CASTOR2: variants seen among roughly 807,000 people sequenced by gnomAD.
The protein encoded by CASTOR2 is GATS protein like 2.
Under a neutral mutation model 31.2 loss-of-function variants are expected in CASTOR2, and 8 were observed. That is an observed-to-expected ratio of 0.26 (90% CI 0.15 to 0.46). The LOEUF (loss-of-function observed/expected upper bound fraction) is 0.46. Ranked by LOEUF, CASTOR2 falls within the 20% of genes least tolerant of loss-of-function variation. The pLI, the probability that CASTOR2 is intolerant of heterozygous loss-of-function variation, is 0.99. For synonymous variants in CASTOR2, 162 were observed against 158.7 expected (o/e 1.02, Z -0.16); for missense variants, 216 against 382.1 (o/e 0.57, Z 3.62).
At chr7:75,023,940 C>G (rs1383889572) in intron 7 of CASTOR2, among the ~76,000 whole-genome samples, 1 of 152,134 alleles carries the variant, frequency 6.6e-6, no homozygotes, top group South Asian at 2.1e-4. Flanking sequence ...CACTGGCCAG[C>G]GACCAGAGAA....
At chr7:74,995,463 C>T (rs1234444963) in intron 1 of CASTOR2, among the ~76,000 whole-genome samples, 5 of 131,868 alleles carry the variant, frequency 3.8e-5, no homozygotes, top group Admixed American at 9.3e-5. Context: ...GCCAGGAGTT[C>T]GAGACCAGCC....
chr7:75,014,384 C>T (rs1804818062), intron 2 of CASTOR2, among the ~76,000 whole-genome samples: 1 of 143,980 alleles, frequency 6.9e-6, no homozygotes, highest in Non-Finnish European at 1.5e-5. Flanking sequence ...GACCAGCCTG[C>T]CCAACATGGT....
intron 1 of CASTOR2, among the ~76,000 whole-genome samples, chr7:75,000,971 C>A (rs1446956570): frequency 6.6e-6 from 1 of 152,180 alleles, no homozygotes; most frequent in East Asian, 1.9e-4. Flanking sequence ...CAGGCCAGGC[C>A]GTTAATTCCA....
chr7:74,996,833 A>G (rs1804363816), intron 1 of CASTOR2, among the ~76,000 whole-genome samples: 2 of 142,216 alleles, frequency 1.4e-5, no homozygotes, highest in African/African-American at 2.6e-5. Context: ...GGTTCAAGCA[A>G]TTCTTCCGCC....
At chr7:75,020,007 C>A (rs1341826017) in intron 5 of CASTOR2, 32 bp from the exon 6 acceptor site, 1 of 1,548,596 alleles carries the variant, frequency 6.5e-7, no homozygotes, top group African/African-American at 1.4e-5. Context: ...GCCACAGGGG[C>A]CCCATCTTTA....
Position 75,024,527 on chromosome 7 carries a change from A to T in CASTOR2, c.917A>T (p.His306Leu). Residue 306 changes from histidine (H) to leucine (L), a missense_variant, in exon 8 of 9, where the codon CAT (histidine) becomes CTT (leucine). Transcript: ENST00000616305. ...TACATCAGTACTTTCAAGTTTGATC[A>T]TGCACTTGTGAGTGTCCAGCGCCAG... ...AYYISTFKFD[H>L]ALVPEENING... 2 of 1,551,530 alleles carry T rather than the reference A, an allele frequency of 1.3e-6. No individual in the cohort carries two copies. The highest frequency in any genetic ancestry group is 1.7e-6 in the Non-Finnish European group (2 of 1,146,844).
Position 75,026,189 on chromosome 7 carries a change from G to GTTTTTTTTTTTTTTTTTTTTTT in CASTOR2, c.*1507_*1508insTTTTTTTTTTTTTTTTTTTTTT, listed in dbSNP as rs879121750. 8.3e-4 allele frequency among the ~76,000 whole-genome samples: 98 copies of GTTTTTTTTTTTTTTTTTTTTTT among 117,684 alleles called. 3 individuals are homozygous for GTTTTTTTTTTTTTTTTTTTTTT. The highest frequency in any genetic ancestry group is 2.8e-3 in the African/African-American group (87 of 30,780). 77.2% of individuals were successfully genotyped at this position (117,684 alleles called of 152,430 possible). On this transcript the variant is annotated 3_prime_UTR_variant, in exon 9 of 9. Coordinates refer to ENST00000616305, the MANE Select transcript of CASTOR2 (RefSeq NM_001145064.3). ...CCCTGTGGTTTTGGCTCTGGCGGGG[G>GTTTTTTTTTTTTTTTTTTTTTT]TTTTTTTTTTTTTTTTTGAGATGGG...
Position 75,025,366 on chromosome 7 carries a change from C to T in CASTOR2, c.*667C>T, listed in dbSNP as rs76603216. 6.6e-6 allele frequency among the ~76,000 whole-genome samples: 1 copy of T among 152,288 alleles called. No individual in the cohort carries two copies. The highest frequency in any genetic ancestry group is 2.4e-5 in the African/African-American group (1 of 41,582). On this transcript the variant is annotated 3_prime_UTR_variant, in exon 9 of 9. Coordinates refer to ENST00000616305, the MANE Select transcript of CASTOR2 (RefSeq NM_001145064.3). ...TCCCAGCAAGACTGCCAAGAGGGCC[C>T]TGTCCAGACCCTCCCCCACAAGCAC...
At chr7:74,992,259 A>G (rs1804229838) in intron 1 of CASTOR2, among the ~76,000 whole-genome samples, 1 of 152,052 alleles carries the variant, frequency 6.6e-6, no homozygotes, top group Non-Finnish European at 1.5e-5. Context: ...GTTTTTGTCT[A>G]AAGATGATCT....
chr7:75,007,928 G>A (rs1804641766), intron 1 of CASTOR2, 66 bp from the exon 2 acceptor site: 4 of 1,609,356 alleles, frequency 2.5e-6, no homozygotes, highest in Admixed American at 1.7e-5. Context: ...CAGGGCACGG[G>A]TGGGCAGCTG....
chr7:74,973,301 A>T (rs1341739143), intron 1 of CASTOR2, among the ~76,000 whole-genome samples: 1 of 148,082 alleles, frequency 6.8e-6, no homozygotes, highest in African/African-American at 2.5e-5. Context: ...AGCACTCTCA[A>T]GGGTATCTGG....
intron 1 of CASTOR2, among the ~76,000 whole-genome samples, chr7:74,993,154 G>C (rs1235524594): frequency 1.3e-5 from 2 of 152,082 alleles, no homozygotes; most frequent in African/African-American, 2.4e-5. Context: ...AGCAGAGATC[G>C]CGTGACTGCA....
intron 1 of CASTOR2, among the ~76,000 whole-genome samples, chr7:74,994,596 G>A (rs1804294542): frequency 1.3e-5 from 2 of 151,872 alleles, no homozygotes; most frequent in African/African-American, 2.4e-5. Flanking sequence ...TAAAAAATAC[G>A]AAAATTAGCC....
rs976702554 is a variant in CASTOR2, at chr7:75,030,103, C to A, written c.*5404C>A. Among the ~76,000 whole-genome samples the A allele has an allele frequency of 2.0e-5, 3 of 152,166 alleles. No homozygotes were observed. The highest frequency in any genetic ancestry group is 2.1e-4 in the South Asian group (1 of 4,834). On this transcript the variant is annotated 3_prime_UTR_variant, in exon 9 of 9. Coordinates refer to ENST00000616305, the MANE Select transcript of CASTOR2 (RefSeq NM_001145064.3). ...TGGCATCCAGGGACAGCCTGGTGGC[C>A]GAGAGAGCTTGTGGCTGTCACTATA...
intron 7 of CASTOR2, 107 bp from the exon 8 acceptor site, chr7:75,024,332 AT>A (rs1805073700): frequency 9.5e-7 from 1 of 1,056,184 alleles, no homozygotes; most frequent in Non-Finnish European, 1.4e-6. Flanking sequence ...CTCTAGGAGG[AT>A]GGTGGGTGCA....
rs1183519321 is a variant in CASTOR2, at chr7:75,020,175, T to G, written c.746+26T>G. The stretch of plus-strand genomic sequence containing the variant: ...GTGAGCCAGGCCCTGGGGTGGACGT[T>G]CAACCCAGGGTGGGCCCCAGGGTCT... On this transcript the variant is annotated intron_variant, in intron 6 of 8. Transcript: ENST00000616305. 17 of 1,546,198 alleles carry G rather than the reference T, an allele frequency of 1.1e-5. No individual in the cohort carries two copies. The African/African-American group carries it at 2.1e-4, about 19-fold the overall frequency.
intron 5 of CASTOR2, among the ~76,000 whole-genome samples, chr7:75,019,681 C>A (rs1172087809): frequency 1.3e-5 from 2 of 152,214 alleles, no homozygotes; most frequent in Admixed American, 1.3e-4. Context: ...ATTTGGTGAA[C>A]AACAGACATT....
chr7:74,995,108 C>G (rs1479079879), intron 1 of CASTOR2, among the ~76,000 whole-genome samples: 4 of 151,982 alleles, frequency 2.6e-5, no homozygotes, highest in Non-Finnish European at 5.9e-5. Context: ...CACTGATGAA[C>G]GGAGCGGGAT....
intron 1 of CASTOR2, among the ~76,000 whole-genome samples, chr7:74,997,204 T>A (rs1483456477): frequency 4.0e-5 from 6 of 151,656 alleles, no homozygotes; most frequent in Non-Finnish European, 5.9e-5. Context: ...CAGGTGCATG[T>A]TACCAGGCCC....
Sources: gnomAD v4.1 joint callset for allele counts (sites outside exome capture counted in the v4.1 genomes callset) on GRCh38, gnomAD v4.1.1 for gene constraint, MANE v1.5 for transcripts, NCBI Gene and HGNC (gene_info 2026-07-23, HGNC 2026-07-21) for gene names.